Variants in GFOD1 observed in about 807,000 individuals in gnomAD.
The protein encoded by GFOD1 is glucose-fructose oxidoreductase domain-containing protein 1.
In GFOD1, 9 loss-of-function variants were observed where a neutral mutation model predicts 25.4. That is an observed-to-expected ratio of 0.35 (90% CI 0.21 to 0.62). GFOD1 has a LOEUF of 0.62. Ranked by LOEUF, GFOD1 falls within the 20% of genes least tolerant of loss-of-function variation. The pLI is 0.72. For synonymous variants in GFOD1, 253 were observed against 245.6 expected (o/e 1.03, Z -0.28); for missense variants, 403 against 556.9 (o/e 0.72, Z 2.78).
chr6:13,462,773 T>A (rs1160453137), intron 1 of GFOD1, among the ~76,000 whole-genome samples: 4 of 152,164 alleles, frequency 2.6e-5, no homozygotes, highest in African/African-American at 9.7e-5. Flanking sequence ...AATTACTGGC[T>A]TTACAAACAA....
Position 13,487,005 on chromosome 6 carries a change from C to A in GFOD1, c.-115G>T. On this transcript the variant is annotated 5_prime_UTR_variant, in exon 1 of 2. Transcript: ENST00000379287. The surrounding 1 kb of genome is among the most constrained non-coding windows in gnomAD (Gnocchi z 4.9). The stretch of plus-strand genomic sequence containing the variant: ...TCCTGTAGCCAATCTAGCCGCGGTG[C>A]GCCAGCCGCCGTGCACCGGGCAAGG... The A allele has an allele frequency of 7.6e-7, 1 of 1,309,474 alleles. No individual in the cohort carries two copies. The highest frequency in any genetic ancestry group is 1.0e-6 in the Non-Finnish European group (1 of 971,694). 81.1% of individuals were successfully genotyped at this position (1,309,474 alleles called of 1,614,324 possible).
rs1393971676 is a variant in GFOD1, at chr6:13,475,679, TTG to T, written c.253+10957_253+10958del. 9.2e-4 allele frequency among the ~76,000 whole-genome samples: 138 copies of T among 150,478 alleles called. 2 individuals carry two copies. Among genetic ancestry groups the T allele is most frequent in the African/African-American group, 3.2e-3 (131 of 40,916 alleles). ...GCTGGAGTAAGCCGAGATTACGCCATTGCACTCCAGCCTGGGTGACAGTGCAA... is the reference window on the plus strand; with the variant it reads ...GCTGGAGTAAGCCGAGATTACGCCATCACTCCAGCCTGGGTGACAGTGCAA... On this transcript the variant is annotated intron_variant, in intron 1 of 1. Coordinates refer to ENST00000379287, the MANE Select transcript of GFOD1 (RefSeq NM_018988.4).
At chr6:13,368,051 G>GA (rs1381747707) in intron 1 of GFOD1, among the ~76,000 whole-genome samples, 6 of 152,244 alleles carry the variant, frequency 3.9e-5, no homozygotes, top group Non-Finnish European at 8.8e-5. Context: ...CTAAGATGGG[G>GA]TTTTGTAGAA....
chr6:13,416,379 A>G (rs1338587089), intron 1 of GFOD1, among the ~76,000 whole-genome samples: 2 of 152,238 alleles, frequency 1.3e-5, no homozygotes, highest in Non-Finnish European at 2.9e-5. Context: ...GGTTGTGAAA[A>G]TGCTATGAAA....
At chr6:13,432,091 C>T (rs1183097852) in intron 1 of GFOD1, among the ~76,000 whole-genome samples, 1 of 152,148 alleles carries the variant, frequency 6.6e-6, no homozygotes, top group Non-Finnish European at 1.5e-5. Context: ...GCTTCTGAAC[C>T]CACTCTGAGC....
At position 13,359,479 on chromosome 6, in the gene GFOD1, G is replaced by T. The variant is rs969326012; in HGVS notation, c.*5264C>A. On this transcript the variant is annotated 3_prime_UTR_variant, in exon 2 of 2. Coordinates refer to ENST00000379287, the MANE Select transcript of GFOD1 (RefSeq NM_018988.4). ...TGGGGTGGGGATGCAGGTGGAGGGT[G>T]AGCCAAGTAGACCAAGCCTCAGGAA... The T allele has an allele frequency of 6.6e-6, 1 of 152,160 alleles. No individual in the cohort carries two copies. The highest frequency in any genetic ancestry group is 2.1e-4 in the South Asian group (1 of 4,830). The allele number at this position is 152,160 out of a possible 1,614,324, so 9.4% of individuals were successfully genotyped here. A position where few individuals can be genotyped will look rare whatever the true frequency, so the allele number is the denominator to read the frequency against.
rs941202561 is a variant in GFOD1 at position 13,374,199 on chromosome 6, G to A, written c.254-8537C>T. ...GATTCCACAACTCGATAGTAGTAGA[G>A]TCAAATCTGGAATTTGAACCCAGAT... On this transcript the variant is annotated intron_variant, in intron 1 of 1. Transcript: ENST00000379287. Among the ~76,000 whole-genome samples, 5 of 151,716 alleles carry A rather than the reference G, an allele frequency of 3.3e-5. No homozygotes were observed. In the East Asian group the frequency reaches 9.7e-4, roughly 30 times the overall value.
intron 1 of GFOD1, among the ~76,000 whole-genome samples, chr6:13,455,814 G>A (rs1002050095): frequency 1.7e-4 from 26 of 152,212 alleles, no homozygotes; most frequent in Admixed American, 6.5e-5. Flanking sequence ...TGCTAACAGG[G>A]AGGGGGACTC....
rs879671732 is a variant in GFOD1, at chr6:13,409,174, AG to A, written c.254-43513del. ...GAGAGGAAAGAAAGAAAGGAAAGAG[AG>A]AGAGAGAGAGAAAGAAAGAAAGAAA... On this transcript the variant is annotated intron_variant, in intron 1 of 1. Transcript: ENST00000379287. Among the ~76,000 whole-genome samples the A allele has an allele frequency of 1.4e-3, 74 of 54,108 alleles. 6 individuals are homozygous for A. Among genetic ancestry groups the A allele is most frequent in the Middle Eastern group, 8.3e-3 (1 of 120 alleles). The allele number at this position is 54,108 out of a possible 152,430, so 35.5% of individuals were successfully genotyped here. A position where few individuals can be genotyped will look rare whatever the true frequency, so the allele number is the denominator to read the frequency against.
At chr6:13,394,993 G>A (rs1187422510) in intron 1 of GFOD1, among the ~76,000 whole-genome samples, 2 of 152,062 alleles carry the variant, frequency 1.3e-5, no homozygotes, top group African/African-American at 4.8e-5. Context: ...GTGTTTCCCT[G>A]GCTGGTCTTG....
chr6:13,446,470 C>T (rs2127572981), intron 1 of GFOD1, among the ~76,000 whole-genome samples: 1 of 152,278 alleles, frequency 6.6e-6, no homozygotes, highest in Non-Finnish European at 1.5e-5. Flanking sequence ...GGAGGATCCA[C>T]ATCCTGAAAA....
At chr6:13,404,279 T>C (rs377354525) in intron 1 of GFOD1, among the ~76,000 whole-genome samples, 1 of 152,218 alleles carries the variant, frequency 6.6e-6, no homozygotes, top group South Asian at 2.1e-4. Context: ...CACAAAGCCA[T>C]GGACTCATCA....
intron 1 of GFOD1, among the ~76,000 whole-genome samples, chr6:13,453,887 C>A (rs1758142735): frequency 6.6e-6 from 1 of 152,160 alleles, no homozygotes; most frequent in African/African-American, 2.4e-5. Context: ...GAACACAAAA[C>A]CCCCTTTTGC....
intron 1 of GFOD1, among the ~76,000 whole-genome samples, chr6:13,448,557 C>T (rs905274702): frequency 6.6e-6 from 1 of 152,186 alleles, no homozygotes; most frequent in Non-Finnish European, 1.5e-5. Flanking sequence ...ATTAGTCTTC[C>T]ACCTGATAAG....
At chr6:13,461,913 G>A (rs1437575093) in intron 1 of GFOD1, among the ~76,000 whole-genome samples, 2 of 152,124 alleles carry the variant, frequency 1.3e-5, no homozygotes. Context: ...GGTGCAATGA[G>A]TCACCAATGC....
chr6:13,410,614 G>GAGAGAGAGAGAGAGA (rs1786057440), intron 1 of GFOD1, among the ~76,000 whole-genome samples: 2 of 144,500 alleles, frequency 1.4e-5, no homozygotes, highest in African/African-American at 2.6e-5. Flanking sequence ...GAGAGAGAGA[G>GAGAGAGAGAGAGAGA]GAAGGAAGAA....
chr6:13,385,921 A>T (rs1184094764), intron 1 of GFOD1, among the ~76,000 whole-genome samples: 1 of 152,178 alleles, frequency 6.6e-6, no homozygotes, highest in Non-Finnish European at 1.5e-5. Flanking sequence ...GCACAGAAAA[A>T]GTACTCAGGT....
intron 1 of GFOD1, among the ~76,000 whole-genome samples, chr6:13,378,759 C>T (rs1255108393): frequency 6.6e-5 from 10 of 152,168 alleles, no homozygotes; most frequent in South Asian, 4.1e-4. Context: ...AAAGCCACTG[C>T]GGGATCACAT....
In GFOD1 at chr6:13,361,468, G is replaced by T. The variant is rs1458387423; in HGVS notation, c.*3275C>A. On this transcript the variant is annotated 3_prime_UTR_variant, in exon 2 of 2. Coordinates refer to ENST00000379287, the MANE Select transcript of GFOD1 (RefSeq NM_018988.4). ...TGAAACACATTAAACAAAGCAGAAA[G>T]GAGCCAAAAGATTGCTGGGTTTTAG... 6.5e-6 allele frequency: 1 copy of T among 153,386 alleles called. No homozygotes were observed. Among genetic ancestry groups the T allele is most frequent in the Non-Finnish European group, 1.4e-5 (1 of 68,984 alleles). 9.5% of individuals were successfully genotyped at this position (153,386 alleles called of 1,614,324 possible).
Sources: gnomAD v4.1 joint callset for allele counts (sites outside exome capture counted in the v4.1 genomes callset) on GRCh38, gnomAD v4.1.1 for gene constraint, Gnocchi (gnomAD v3.1) non-coding constraint, MANE v1.5 for transcripts, NCBI Gene and HGNC (gene_info 2026-07-23, HGNC 2026-07-21) for gene names.